The following ZDHHC21 variants were observed in gnomAD, a reference collection of about 807,000 sequenced individuals.
ZDHHC21 encodes palmitoyltransferase ZDHHC21.
ZDHHC21 carries 15 observed loss-of-function variants against 34.6 expected under a neutral mutation model. That is an observed-to-expected ratio of 0.43 (90% CI 0.29 to 0.67). The LOEUF (loss-of-function observed/expected upper bound fraction) is 0.67, where lower values mean the gene tolerates loss of function less well. ZDHHC21 is among the 30% of genes least tolerant of loss of function. The pLI is 0.14. For missense variants in ZDHHC21, 344 were observed against 327.7 expected (o/e 1.05, Z -0.38); for synonymous variants, 142 against 101.8 (o/e 1.40, Z -2.38).
chr9:14,596,912 G>T, the ZDHHC21 span, among the ~76,000 whole-genome samples: 1 of 152,124 alleles, frequency 6.6e-6, no homozygotes, highest in Non-Finnish European at 1.5e-5. Context: ...AACTTCTGAG[G>T]CATGGAAGGA....
At chr9:14,677,849 T>C (rs1315506477) in intron 3 of ZDHHC21, among the ~76,000 whole-genome samples, 1 of 152,140 alleles carries the variant, frequency 6.6e-6, no homozygotes, top group African/African-American at 2.4e-5. Context: ...TCACCATATA[T>C]TCTCCTCAAG....
chr9:14,651,581 G>C (rs918781155), intron 7 of ZDHHC21, among the ~76,000 whole-genome samples: 1 of 151,718 alleles, frequency 6.6e-6, no homozygotes, highest in Non-Finnish European at 1.5e-5. Context: ...ACTAATCCAA[G>C]TAATACACAA....
rs1422653574 is a variant in ZDHHC21, at chr9:14,611,234, C to A, written c.*7732G>T. 6.6e-6 allele frequency: 1 copy of A among 151,848 alleles called. No homozygotes were observed. Among genetic ancestry groups the A allele is most frequent in the African/African-American group, 2.4e-5 (1 of 41,394 alleles). 9.4% of individuals were successfully genotyped at this position (151,848 alleles called of 1,614,324 possible). A position where few individuals can be genotyped will look rare whatever the true frequency, so the allele number is the denominator to read the frequency against. On this transcript the variant is annotated 3_prime_UTR_variant, in exon 10 of 10. Transcript: ENST00000380916. ...AATCGCTACAATAAATTAAAAACAA[C>A]AACATTGTTCTTAAGGTAGATACAT...
At chr9:14,675,692 T>C (rs2131552117) in intron 3 of ZDHHC21, among the ~76,000 whole-genome samples, 1 of 152,040 alleles carries the variant, frequency 6.6e-6, no homozygotes, top group East Asian at 1.9e-4. Flanking sequence ...AGGAACAGTC[T>C]AATGGGAAAA....
At chr9:14,609,803 C>A (rs986686305), downstream of ZDHHC21, among the ~76,000 whole-genome samples, 6 of 152,034 alleles carry the variant, frequency 3.9e-5, no homozygotes, top group Admixed American at 1.3e-4. Flanking sequence ...CTTTAAGAAA[C>A]CATCACTTGA....
intron 5 of ZDHHC21, among the ~76,000 whole-genome samples, chr9:14,664,479 G>A (rs985765453): frequency 3.3e-3 from 499 of 151,934 alleles, no homozygotes; most frequent in African/African-American, 0.011. Flanking sequence ...CAAAGCAGCC[G>A]GGAAGCTCGA....
downstream of ZDHHC21, among the ~76,000 whole-genome samples, chr9:14,606,966 A>G (rs958816446): frequency 1.3e-5 from 2 of 152,000 alleles, no homozygotes; most frequent in African/African-American, 2.4e-5. Flanking sequence ...AAAATTAAAA[A>G]TAAGTACATC....
intron 8 of ZDHHC21, chr9:14,622,520 G>C (rs567432876): frequency 3.0e-6 from 3 of 985,172 alleles, no homozygotes; most frequent in South Asian, 9.4e-5. Context: ...TTTATCACCA[G>C]AGGTTTCCTG....
At chr9:14,594,306 T>C in the ZDHHC21 span, 3 of 152,366 alleles carry the variant, frequency 2.0e-5, no homozygotes, top group African/African-American at 7.2e-5. Flanking sequence ...GGATGATTTA[T>C]ACTACCTGAA....
At chr9:14,625,189 A>G (rs1279112825) in intron 8 of ZDHHC21, among the ~76,000 whole-genome samples, 1 of 152,098 alleles carries the variant, frequency 6.6e-6, no homozygotes, top group Non-Finnish European at 1.5e-5. Context: ...GGACATGAAC[A>G]GAAATAGCAT....
intron 8 of ZDHHC21, among the ~76,000 whole-genome samples, chr9:14,634,749 C>T (rs1000992601): frequency 6.6e-6 from 1 of 152,172 alleles, no homozygotes; most frequent in Non-Finnish European, 1.5e-5. Context: ...TCTGTTACAA[C>T]AGACGCATAG....
At chr9:14,620,099 G>T (rs1205795537) in intron 8 of ZDHHC21, among the ~76,000 whole-genome samples, 2 of 152,092 alleles carry the variant, frequency 1.3e-5, no homozygotes, top group Middle Eastern at 3.4e-3. Context: ...AAGAGTCAGG[G>T]TGCTACTGGT....
intron 2 of ZDHHC21, among the ~76,000 whole-genome samples, chr9:14,681,791 G>C (rs1837427313): frequency 6.6e-6 from 1 of 151,118 alleles, no homozygotes; most frequent in African/African-American, 2.4e-5. Context: ...TAAGACAGGA[G>C]GCATACTAAA....
At chr9:14,600,819 C>A in the ZDHHC21 span, among the ~76,000 whole-genome samples, 1 of 152,146 alleles carries the variant, frequency 6.6e-6, no homozygotes, top group Non-Finnish European at 1.5e-5. Context: ...ACCAATGGAA[C>A]AGAACAGAGG....
At chr9:14,628,171 T>C (rs1003181902) in intron 8 of ZDHHC21, among the ~76,000 whole-genome samples, 22 of 152,250 alleles carry the variant, frequency 1.4e-4, no homozygotes, top group East Asian at 1.4e-3. Flanking sequence ...AAACATCTGG[T>C]TGTGTTGAAA....
chr9:14,608,553 T>C (rs1003763036), downstream of ZDHHC21, among the ~76,000 whole-genome samples: 3 of 152,292 alleles, frequency 2.0e-5, no homozygotes, highest in South Asian at 4.1e-4. Context: ...ACAGAGGTGC[T>C]TTCTTGTTTG....
intron 7 of ZDHHC21, among the ~76,000 whole-genome samples, chr9:14,652,057 T>C (rs1038833670): frequency 1.3e-5 from 2 of 151,942 alleles, no homozygotes; most frequent in Admixed American, 1.3e-4. Context: ...TAATTTAATG[T>C]CTAACATCTG....
intron 8 of ZDHHC21, among the ~76,000 whole-genome samples, chr9:14,630,082 CT>C (rs1430089426): frequency 6.6e-6 from 1 of 152,134 alleles, no homozygotes; most frequent in Non-Finnish European, 1.5e-5. Flanking sequence ...ATAAAGTCTG[CT>C]GCATAGGTTG....
intron 8 of ZDHHC21, among the ~76,000 whole-genome samples, chr9:14,631,995 G>A (rs1419165414): frequency 6.6e-6 from 1 of 151,524 alleles, no homozygotes; most frequent in South Asian, 2.1e-4. Flanking sequence ...ACACTGTTGG[G>A]AATATTGTAC....
Sources: allele counts gnomAD v4.1 joint callset (sites outside exome capture counted in the v4.1 genomes callset), GRCh38; gene constraint gnomAD v4.1.1; transcripts MANE v1.5; gene names NCBI Gene and HGNC (gene_info 2026-07-23, HGNC 2026-07-21).